The following SEMA3A variants were observed in gnomAD, a reference collection of about 807,000 sequenced individuals.
The protein encoded by SEMA3A is semaphorin-3A.
A neutral mutation model predicts 97.9 loss-of-function variants in SEMA3A; 29 were observed. The observed-to-expected ratio is 0.30, with a 90% CI of 0.22 to 0.40. The LOEUF (loss-of-function observed/expected upper bound fraction) is 0.40, where lower values mean the gene tolerates loss of function less well. SEMA3A is among the 10% of genes least tolerant of loss of function. The probability of loss-of-function intolerance (pLI) is 1.00; values close to 1 mark genes in which losing one functional copy is unlikely to be tolerated. For synonymous variants in SEMA3A, 321 were observed against 323.7 expected, an observed-to-expected ratio of 0.99 and a Z score of 0.09; for missense variants, 763 against 951.3, an observed-to-expected ratio of 0.80 and a Z score of 2.60.
At chr7:84,339,755 G>T (rs1272388948) in intron 2 of SEMA3A, among the ~76,000 whole-genome samples, 1 of 152,076 alleles carries the variant, frequency 6.6e-6, no homozygotes, top group Non-Finnish European at 1.5e-5. Flanking sequence ...ACAGTAAGAA[G>T]AATTCTGTGA....
chr7:84,039,730 TA>T (rs1792067793), intron 6 of SEMA3A, among the ~76,000 whole-genome samples: 1 of 152,060 alleles, frequency 6.6e-6, no homozygotes, highest in Admixed American at 6.6e-5. Flanking sequence ...CAGTTATATC[TA>T]AAAAATGTAC....
chr7:84,244,787 A>T (rs972186780), intron 3 of SEMA3A, among the ~76,000 whole-genome samples: 1 of 151,392 alleles, frequency 6.6e-6, no homozygotes, highest in Admixed American at 6.6e-5. Flanking sequence ...CCTGATGGTG[A>T]TTTTCTTCTT....
intron 1 of SEMA3A, among the ~76,000 whole-genome samples, chr7:84,168,938 A>G (rs1797300113): frequency 6.6e-6 from 1 of 151,752 alleles, no homozygotes; most frequent in Non-Finnish European, 1.5e-5. Context: ...GTTTGTATTG[A>G]ATTATATAAT....
intron 1 of SEMA3A, among the ~76,000 whole-genome samples, chr7:84,409,433 CCCAAT>C (rs1219839993): frequency 2.6e-5 from 4 of 151,970 alleles, no homozygotes; most frequent in Admixed American, 2.6e-4. Flanking sequence ...ACATACAAAT[CCCAAT>C]TGCATCTTTC....
chr7:84,356,005 C>A (rs901567492), intron 2 of SEMA3A, among the ~76,000 whole-genome samples: 15 of 151,842 alleles, frequency 9.9e-5, no homozygotes, highest in Non-Finnish European at 2.1e-4. Flanking sequence ...CCAGAAACTG[C>A]TTTAACAAGA....
intron 2 of SEMA3A, among the ~76,000 whole-genome samples, chr7:84,365,622 C>A (rs983021926): frequency 4.0e-5 from 6 of 151,528 alleles, no homozygotes; most frequent in African/African-American, 1.4e-4. Flanking sequence ...AAACTGGTAA[C>A]CACATTTTTA....
At chr7:84,408,076 C>CA (rs979016865) in intron 1 of SEMA3A, among the ~76,000 whole-genome samples, 19 of 152,176 alleles carry the variant, frequency 1.2e-4, no homozygotes, top group African/African-American at 4.3e-4. Flanking sequence ...TTCTGCACAG[C>CA]AAAGAAAACC....
chr7:84,134,759 A>G (rs1375993831), intron 2 of SEMA3A, 35 bp downstream of exon 2: 1 of 1,442,446 alleles, frequency 6.9e-7, no homozygotes, highest in Non-Finnish European at 9.4e-7. Context: ...AGATGCTTCA[A>G]AATAACTATA....
At chr7:84,448,534 T>G (rs1805483161) in intron 1 of SEMA3A, among the ~76,000 whole-genome samples, 1 of 151,822 alleles carries the variant, frequency 6.6e-6, no homozygotes. Flanking sequence ...GAAAAGGAGA[T>G]GAAGAAAGCA....
At chr7:84,119,255 T>G (rs116475778) in intron 3 of SEMA3A, among the ~76,000 whole-genome samples, 1,908 of 152,246 alleles carry the variant, frequency 0.013, 40 homozygotes, top group African/African-American at 0.044. Flanking sequence ...TTTAACACCA[T>G]GTATAGCATG....
intron 1 of SEMA3A, among the ~76,000 whole-genome samples, chr7:84,422,317 A>C (rs1804620179): frequency 6.6e-6 from 1 of 151,918 alleles, no homozygotes; most frequent in African/African-American, 2.4e-5. Flanking sequence ...AGGTGTTTAT[A>C]GTATTCTCGG....
chr7:84,321,872 GAAAAAAAAAAAA>G (rs1156548285), intron 2 of SEMA3A, among the ~76,000 whole-genome samples: 3 of 12,062 alleles, frequency 2.5e-4, no homozygotes, highest in Non-Finnish European at 3.5e-4. Flanking sequence ...CGAGACTACG[GAAAAAAAAAAAA>G]AAAAAAAAAA....
intron 3 of SEMA3A, among the ~76,000 whole-genome samples, chr7:84,202,238 A>C (rs935548259): frequency 6.6e-6 from 1 of 152,180 alleles, no homozygotes. Flanking sequence ...TCTCACCACA[A>C]AAGTGATAAC....
intron 4 of SEMA3A, among the ~76,000 whole-genome samples, chr7:84,095,351 T>TTATATACATATA (rs1160663241): frequency 1.0e-4 from 3 of 29,624 alleles, no homozygotes; most frequent in African/African-American, 2.9e-4. Flanking sequence ...TTTATATTTT[T>TTATATACATATA]TATATACATA....
At chr7:84,249,417 A>ATCTATCTG (rs1799555766) in intron 3 of SEMA3A, among the ~76,000 whole-genome samples, 1 of 150,718 alleles carries the variant, frequency 6.6e-6, no homozygotes, top group African/African-American at 2.5e-5. Context: ...CTATCTATCT[A>ATCTATCTG]TCATCTACAT....
At chr7:84,387,849 G>A (rs1584283268) in intron 1 of SEMA3A, among the ~76,000 whole-genome samples, 1 of 152,134 alleles carries the variant, frequency 6.6e-6, no homozygotes, top group Non-Finnish European at 1.5e-5. Flanking sequence ...AAAGCTCACA[G>A]CTGCCACAAC....
In SEMA3A at chr7:84,007,648, G is replaced by C. The variant is rs1029721590; in HGVS notation, c.996-151C>G. On this transcript the variant is annotated intron_variant, in intron 9 of 16. Transcript: ENST00000265362. ...ATGTTTGGGATTTTTCTAGTCACATGTATGCATTTAACAATACACAAAAGA... is the reference window on the plus strand; with the variant it reads ...ATGTTTGGGATTTTTCTAGTCACATCTATGCATTTAACAATACACAAAAGA... 5 of 675,148 alleles carry C rather than the reference G, an allele frequency of 7.4e-6. No homozygotes were observed. The Admixed American group carries it at 1.7e-4, about 23-fold the overall frequency. The allele number at this position is 675,148 out of a possible 1,614,324, so 41.8% of individuals were successfully genotyped here.
chr7:83,968,323 C>A (rs1788788360), intron 15 of SEMA3A, among the ~76,000 whole-genome samples: 1 of 152,126 alleles, frequency 6.6e-6, no homozygotes, highest in South Asian at 2.1e-4. Context: ...CAGGGTGTTC[C>A]CACCCTATGC....
intron 6 of SEMA3A, among the ~76,000 whole-genome samples, chr7:84,040,404 A>G (rs1288180669): frequency 6.6e-6 from 1 of 152,058 alleles, no homozygotes; most frequent in African/African-American, 2.4e-5. Flanking sequence ...GTTTCACCCC[A>G]TTCATAGCTT....
Sources: gnomAD v4.1 joint callset for allele counts (sites outside exome capture counted in the v4.1 genomes callset) on GRCh38, gnomAD v4.1.1 for gene constraint, MANE v1.5 for transcripts, NCBI Gene and HGNC (gene_info 2026-07-23, HGNC 2026-07-21) for gene names.